Variants in SH3GL3 observed in about 807,000 individuals in gnomAD.
SH3GL3 encodes endophilin-A3.
In SH3GL3, 33 loss-of-function variants were observed where a neutral mutation model predicts 47.7. The ratio of observed to expected loss-of-function variants is 0.69; its 90% CI spans 0.52 to 0.92. The LOEUF (loss-of-function observed/expected upper bound fraction) is 0.92. SH3GL3 is among the 40% of genes least tolerant of loss of function. SH3GL3 has a pLI of 0.00. For synonymous variants in SH3GL3, 155 were observed against 148.8 expected (o/e 1.04, Z -0.30); for missense variants, 363 against 417.8 (o/e 0.87, Z 1.14).
At chr15:83,567,600 G>A (rs2045609413) in intron 3 of SH3GL3, among the ~76,000 whole-genome samples, 1 of 152,210 alleles carries the variant, frequency 6.6e-6, no homozygotes, top group Non-Finnish European at 1.5e-5. Context: ...TTCACTAGGG[G>A]TGGGGTGGTC....
intron 8 of SH3GL3, among the ~76,000 whole-genome samples, chr15:83,606,993 A>G (rs1311326374): frequency 1.3e-5 from 2 of 152,212 alleles, no homozygotes; most frequent in African/African-American, 4.8e-5. Flanking sequence ...GTGAACAGGA[A>G]GAGTCTCTCT....
At chr15:83,479,331 A>ATGTGTG (rs149147202) in intron 1 of SH3GL3, among the ~76,000 whole-genome samples, 1 of 149,472 alleles carries the variant, frequency 6.7e-6, no homozygotes, top group Non-Finnish European at 1.5e-5. Context: ...GAGCGTGTGC[A>ATGTGTG]TGTGTGTGTG....
chr15:83,603,051 G>GT (rs1424202187), intron 8 of SH3GL3, among the ~76,000 whole-genome samples: 1 of 151,956 alleles, frequency 6.6e-6, no homozygotes. Flanking sequence ...CCAGGCTGGA[G>GT]TGCAGTGGTG....
intron 8 of SH3GL3, among the ~76,000 whole-genome samples, chr15:83,611,162 A>G (rs2060652865): frequency 6.6e-6 from 1 of 151,738 alleles, no homozygotes; most frequent in Non-Finnish European, 1.5e-5. Flanking sequence ...AGTTTATTTC[A>G]GGGGGGACGT....
the SH3GL3 span, among the ~76,000 whole-genome samples, chr15:83,628,082 C>A: frequency 1.3e-5 from 2 of 152,184 alleles, no homozygotes; most frequent in African/African-American, 2.4e-5. Context: ...TCAGGGCACT[C>A]AAACACACAT....
chr15:83,616,414 C>T (rs1026270598), intron 8 of SH3GL3, among the ~76,000 whole-genome samples: 5 of 151,870 alleles, frequency 3.3e-5, no homozygotes, highest in South Asian at 2.1e-4. Flanking sequence ...CCACCACGCC[C>T]GGCTAATTTT....
Position 83,588,668 on chromosome 15 carries a change from A to G in SH3GL3, c.735A>G (p.Ser245=), listed in dbSNP as rs777070523. 1.0e-5 allele frequency: 16 copies of G among 1,595,300 alleles called. No individual in the cohort carries two copies. Among genetic ancestry groups the G allele is most frequent in the Non-Finnish European group, 2.6e-6 (3 of 1,163,022 alleles). ...ELQSKLQMRI[S]AASSVPRREY... Reference sequence around the variant, plus strand: ...CTTACGATGTGTGTTACAGAATATCAGCTGCATCCAGTGTCCCCAGACGAG... The same window carrying G: ...CTTACGATGTGTGTTACAGAATATCGGCTGCATCCAGTGTCCCCAGACGAG... Residue 245 remains serine, a synonymous_variant, in exon 8 of 9, where the codon TCA becomes TCG. Transcript: ENST00000427482.
At chr15:83,469,578 C>A (rs2040736883) in intron 1 of SH3GL3, among the ~76,000 whole-genome samples, 1 of 152,072 alleles carries the variant, frequency 6.6e-6, no homozygotes, top group African/African-American at 2.4e-5. Context: ...TTCTTTGATC[C>A]ATGTATCATT....
At chr15:83,532,212 G>T (rs1596195072) in intron 1 of SH3GL3, among the ~76,000 whole-genome samples, 1 of 152,152 alleles carries the variant, frequency 6.6e-6, no homozygotes, top group East Asian at 1.9e-4. Context: ...AATATCTAAA[G>T]AAAATTTCCA....
At chr15:83,507,061 A>C (rs1351924790) in intron 1 of SH3GL3, among the ~76,000 whole-genome samples, 1 of 151,348 alleles carries the variant, frequency 6.6e-6, no homozygotes, top group Non-Finnish European at 1.5e-5. Flanking sequence ...GCTGGAGTGC[A>C]GTGGCACGAT....
At chr15:83,567,696 A>T (rs993709846) in intron 3 of SH3GL3, among the ~76,000 whole-genome samples, 1 of 152,012 alleles carries the variant, frequency 6.6e-6, no homozygotes, top group Non-Finnish European at 1.5e-5. Flanking sequence ...AGTCCTTGGG[A>T]GCAGAGTGTG....
At chr15:83,535,290 A>AG (rs562921116) in intron 1 of SH3GL3, among the ~76,000 whole-genome samples, 12 of 152,302 alleles carry the variant, frequency 7.9e-5, no homozygotes, top group South Asian at 6.2e-4. Flanking sequence ...GTCCTTTTAA[A>AG]GGTGATTAAA....
chr15:83,529,988 T>G (rs2043597097), intron 1 of SH3GL3, among the ~76,000 whole-genome samples: 1 of 152,104 alleles, frequency 6.6e-6, no homozygotes, highest in South Asian at 2.1e-4. Context: ...CCCTGTGGTG[T>G]GGGACTCTTG....
At chr15:83,522,284 G>A (rs1037560962) in intron 1 of SH3GL3, among the ~76,000 whole-genome samples, 1 of 152,170 alleles carries the variant, frequency 6.6e-6, no homozygotes, top group African/African-American at 2.4e-5. Flanking sequence ...TCCTAATGGA[G>A]ATCACTTCGT....
intron 2 of SH3GL3, 75 bp downstream of exon 2, chr15:83,559,396 G>C: frequency 1.2e-6 from 1 of 830,150 alleles, no homozygotes; most frequent in Non-Finnish European, 2.1e-6. Flanking sequence ...CTATTGTAAA[G>C]GATATTCGAG....
At chr15:83,465,992 A>G (rs888177793) in intron 1 of SH3GL3, among the ~76,000 whole-genome samples, 4 of 152,122 alleles carry the variant, frequency 2.6e-5, no homozygotes, top group African/African-American at 4.8e-5. Context: ...CACTACCACA[A>G]AGATCCCCTG....
At chr15:83,460,911 C>T (rs764970813) in intron 1 of SH3GL3, among the ~76,000 whole-genome samples, 30 of 151,966 alleles carry the variant, frequency 2.0e-4, no homozygotes, top group Non-Finnish European at 3.4e-4. Flanking sequence ...GGTGAAACCC[C>T]GTCTCTACTA....
At chr15:83,604,690 C>T (rs2060470818) in intron 8 of SH3GL3, among the ~76,000 whole-genome samples, 1 of 152,112 alleles carries the variant, frequency 6.6e-6, no homozygotes. Flanking sequence ...TGTATAAATA[C>T]TTTGTATACA....
chr15:83,625,684 T>C, the SH3GL3 span, among the ~76,000 whole-genome samples: 2 of 152,258 alleles, frequency 1.3e-5, no homozygotes, highest in African/African-American at 2.4e-5. Context: ...TTATTTTAAG[T>C]CATTTTATTG....
Sources: allele counts gnomAD v4.1 joint callset (sites outside exome capture counted in the v4.1 genomes callset), GRCh38; gene constraint gnomAD v4.1.1; transcripts MANE v1.5; gene names NCBI Gene and HGNC (gene_info 2026-07-23, HGNC 2026-07-21).